MPRIP: variants seen among roughly 807,000 people sequenced by gnomAD.
MPRIP encodes myosin phosphatase Rho interacting protein, also known as myosin phosphatase Rho-interacting protein.
In MPRIP, 59 loss-of-function variants were observed where a neutral mutation model predicts 234.9. The ratio of observed to expected loss-of-function variants is 0.25; its 90% CI spans 0.20 to 0.31. MPRIP has a LOEUF of 0.31. Among genes scored for constraint, MPRIP ranks in the 10% least tolerant of loss-of-function variants. MPRIP has a pLI of 1.00. For missense variants in MPRIP, 2,436 were observed against 3,071.0 expected (o/e 0.79, Z 4.89); for synonymous variants, 1,144 against 1,263.9 (o/e 0.91, Z 2.01).
rs764037171 is a variant in MPRIP, at chr17:17,143,654, G to C, written c.1488G>C (p.Thr496=). The C allele has an allele frequency of 6.2e-7, 1 of 1,604,328 alleles. No homozygotes were observed. The highest frequency in any genetic ancestry group is 1.7e-5 in the Admixed American group (1 of 58,702). The part of the protein sequence containing the change: ...RRAKSLDRRS[T]EPSVTPDLLN... ...CCAAGTCACTGGACAGGAGGTCCAC[G>C]GAGCCCTCCGTGACGGTGAGCCCAG... The change falls in exon 9 of 24, where the codon ACG becomes ACC. Residue 496 remains threonine (T), a synonymous_variant. Coordinates refer to ENST00000651222, the MANE Select transcript of MPRIP (RefSeq NM_001364716.4).
intron 7 of MPRIP, among the ~76,000 whole-genome samples, chr17:17,140,766 C>T (rs1017408176): frequency 2.0e-5 from 3 of 152,198 alleles, no homozygotes; most frequent in Admixed American, 2.0e-4. Flanking sequence ...CCTCTGGCTG[C>T]TGAGTGGGGG....
chr17:17,147,704 GA>G (rs1450504931), intron 11 of MPRIP, among the ~76,000 whole-genome samples: 1 of 152,110 alleles, frequency 6.6e-6, no homozygotes, highest in Non-Finnish European at 1.5e-5. Context: ...TCTGTTCTTT[GA>G]AAAACACTGA....
At chr17:17,077,803 A>G in intron 2 of MPRIP, 1 of 531,884 alleles carries the variant, frequency 1.9e-6, no homozygotes, top group South Asian at 2.1e-5. Context: ...CACTCATGTG[A>G]TTTGGGCCTG....
At chr17:17,125,583 T>G (rs566968840) in intron 3 of MPRIP, among the ~76,000 whole-genome samples, 101 of 152,264 alleles carry the variant, frequency 6.6e-4, no homozygotes, top group African/African-American at 2.3e-3. Context: ...ACAAGGAGGT[T>G]GCACCTAACC....
At chr17:17,070,345 T>C (rs1009890725) in intron 1 of MPRIP, among the ~76,000 whole-genome samples, 5 of 152,202 alleles carry the variant, frequency 3.3e-5, no homozygotes, top group African/African-American at 1.2e-4. Flanking sequence ...CTTTGAGCCC[T>C]TTTTCCGCTT....
rs2046479352 is a variant in MPRIP, at chr17:17,186,582, A to C, written c.*1688A>C. 1 of 152,186 alleles carries C rather than the reference A, an allele frequency of 6.6e-6. No individual in the cohort carries two copies. Among genetic ancestry groups the C allele is most frequent in the African/African-American group, 2.4e-5 (1 of 41,426 alleles). 9.4% of individuals were successfully genotyped at this position (152,186 alleles called of 1,614,324 possible). The stretch of plus-strand genomic sequence containing the variant: ...TAAAAATCTACTTCTCTGAGGTGGC[A>C]CAGTTGCGTAGCTGTAGTCCCAGCT... On this transcript the variant is annotated 3_prime_UTR_variant, in exon 24 of 24. Transcript: ENST00000651222.
rs556917608 is a variant in MPRIP at position 17,115,892 on chromosome 17, C to G, written c.268-10810C>G. Among the ~76,000 whole-genome samples, 7 of 152,346 alleles carry G rather than the reference C, an allele frequency of 4.6e-5. No individual in the cohort carries two copies. The East Asian group carries it at 9.6e-4, about 21-fold the overall frequency. ...AAGGCCATTCCTCAGGGGCCTGCAT[C>G]TCTTTCCAGACAGCTTCTCTACCTC... On this transcript the variant is annotated intron_variant, in intron 3 of 23. Coordinates refer to ENST00000651222, the MANE Select transcript of MPRIP (RefSeq NM_001364716.4).
At chr17:17,085,671 T>C (rs998262674) in intron 3 of MPRIP, among the ~76,000 whole-genome samples, 1 of 152,228 alleles carries the variant, frequency 6.6e-6, no homozygotes, top group Non-Finnish European at 1.5e-5. Flanking sequence ...CCCAGCACTT[T>C]GGGAGGCCGA....
intron 3 of MPRIP, among the ~76,000 whole-genome samples, chr17:17,080,932 C>G (rs2144075825): frequency 6.6e-6 from 1 of 151,770 alleles, no homozygotes; most frequent in African/African-American, 2.4e-5. Context: ...ACCAGGCAAC[C>G]ACAGGGCCTG....
chr17:17,131,510 TG>T, intron 4 of MPRIP, 106 bp from the exon 5 acceptor site: 1 of 887,832 alleles, frequency 1.1e-6, no homozygotes. Flanking sequence ...AGTCTGTCAC[TG>T]GGGACAATGC....
intron 3 of MPRIP, among the ~76,000 whole-genome samples, chr17:17,117,604 A>G (rs910734555): frequency 1.1e-4 from 17 of 152,232 alleles, no homozygotes; most frequent in Non-Finnish European, 4.4e-5. Flanking sequence ...TTGTCTATCC[A>G]TTTGTCCACT....
intron 3 of MPRIP, among the ~76,000 whole-genome samples, chr17:17,081,812 T>C (rs1259174640): frequency 6.6e-6 from 1 of 152,146 alleles, no homozygotes; most frequent in East Asian, 1.9e-4. Context: ...TTTTGGGAAA[T>C]TTCTTTCTCG....
intron 9 of MPRIP, among the ~76,000 whole-genome samples, chr17:17,144,304 T>G (rs60403917): frequency 0.07 from 10,675 of 152,266 alleles, 432 homozygotes; most frequent in African/African-American, 0.099. Context: ...CCCCAGGGCT[T>G]GGGGGCTGCC....
At chr17:17,175,691 C>A (rs1302165755) in intron 20 of MPRIP, among the ~76,000 whole-genome samples, 1 of 152,232 alleles carries the variant, frequency 6.6e-6, no homozygotes, top group African/African-American at 2.4e-5. Flanking sequence ...ATGCCACAAA[C>A]ACTGACCACT....
Position 17,158,619 on chromosome 17 carries a change from C to A in MPRIP, c.2017C>A (p.Leu673Met). The change falls in exon 14 of 24, where the codon CTG becomes ATG. Residue 673 changes from leucine to methionine, a missense_variant. Around this residue, in one of 4 missense-constraint regions of MPRIP, gnomAD observed 1,998 missense variants for 2,520.3 expected, o/e 0.79. Transcript: ENST00000651222. ...WAEFRPIQQA[L>M]AQERVGGVGP... Reference sequence around the variant, plus strand: ...TGAGTTCCGTCCCATCCAGCAGGCCCTGGCTCAGGAGCGGGTGGGCGGCGT... The same window carrying A: ...TGAGTTCCGTCCCATCCAGCAGGCCATGGCTCAGGAGCGGGTGGGCGGCGT... The A allele has an allele frequency of 6.2e-7, 1 of 1,603,916 alleles. No individual in the cohort carries two copies. Among genetic ancestry groups the A allele is most frequent in the East Asian group, 2.2e-5 (1 of 44,620 alleles).
At chr17:17,163,989 A>T (rs987447413) in intron 15 of MPRIP, 120 bp from the exon 16 acceptor site, 5 of 582,942 alleles carry the variant, frequency 8.6e-6, no homozygotes, top group Non-Finnish European at 1.3e-5. Flanking sequence ...ATAAAGTTGT[A>T]CAAAGGATAA....
intron 16 of MPRIP, chr17:17,171,348 C>G (rs935356934): frequency 8.9e-5 from 17 of 191,578 alleles, no homozygotes; most frequent in African/African-American, 3.8e-4. Flanking sequence ...CGTGCTCTCT[C>G]TTCCTTCCTG....
At chr17:17,079,658 T>TGGGTC (rs1207739943) in intron 3 of MPRIP, among the ~76,000 whole-genome samples, 1 of 152,222 alleles carries the variant, frequency 6.6e-6, no homozygotes, top group African/African-American at 2.4e-5. Flanking sequence ...CAGGCTGGGC[T>TGGGTC]GGGTCATGAA....
At chr17:17,156,820 C>T (rs1413804723) in intron 13 of MPRIP, among the ~76,000 whole-genome samples, 1 of 152,244 alleles carries the variant, frequency 6.6e-6, no homozygotes, top group Non-Finnish European at 1.5e-5. Context: ...TGTTAGCGTG[C>T]TCTTACAGTG....
Sources: gnomAD v4.1 joint callset for allele counts (sites outside exome capture counted in the v4.1 genomes callset) on GRCh38, gnomAD v4.1.1 for gene constraint, gnomAD v4.1.1 regional missense constraint, MANE v1.5 for transcripts, NCBI Gene and HGNC (gene_info 2026-07-23, HGNC 2026-07-21) for gene names.